FAM228B: variants seen among roughly 807,000 people sequenced by gnomAD.
FAM228B encodes the protein family with sequence similarity 228 member B.
In FAM228B, 38 loss-of-function variants were observed where a neutral mutation model predicts 42.6. The ratio of observed to expected loss-of-function variants is 0.89; its 90% CI spans 0.69 to 1.17. The LOEUF is 1.17. Ranked by LOEUF, FAM228B falls within the 50% of genes most tolerant of loss-of-function variation. The pLI is 0.00. For missense variants in FAM228B, 344 were observed against 367.3 expected (o/e 0.94, Z 0.52); for synonymous variants, 109 against 122.3 (o/e 0.89, Z 0.72).
intron 8 of FAM228B, among the ~76,000 whole-genome samples, chr2:24,162,564 G>A (rs920163651): frequency 2.0e-5 from 3 of 152,080 alleles, no homozygotes; most frequent in South Asian, 2.1e-4. Context: ...CAGAAATTCC[G>A]CTCCTAGGTT....
chr2:24,101,152 T>C (rs774307379), intron 3 of FAM228B, among the ~76,000 whole-genome samples: 10 of 152,118 alleles, frequency 6.6e-5, no homozygotes, highest in Non-Finnish European at 1.5e-4. Context: ...TTACAAGAAA[T>C]ACCTAATGTA....
chr2:24,119,560 C>A, upstream of FAM228B: 1 of 1,596,830 alleles, frequency 6.3e-7, no homozygotes, highest in South Asian at 1.1e-5. Context: ...AAGACAGGAA[C>A]TAGGAGGCCA....
chr2:24,088,083 G>C (rs1387440030), intron 2 of FAM228B, among the ~76,000 whole-genome samples: 3 of 152,004 alleles, frequency 2.0e-5, no homozygotes, highest in Non-Finnish European at 4.4e-5. Context: ...TCTCCATGTT[G>C]GCCAGGCTGG....
chr2:24,153,780 T>C lies in FAM228B; in HGVS notation c.686+6694T>C, dbSNP rs201864340. On this transcript the variant is annotated intron_variant, in intron 7 of 10. Transcript: ENST00000615575. ...CCAACATGAGGAATTGCCTAGGAAT[T>C]ACAGTCCTTGTTCCTAGACTGCCTT... Among the ~76,000 whole-genome samples the C allele has an allele frequency of 3.9e-5, 6 of 152,296 alleles. No individual in the cohort carries two copies. The East Asian group carries it at 1.2e-3, about 29-fold the overall frequency.
chr2:24,087,723 G>T lies in FAM228B; in HGVS notation c.-210+6768G>T, dbSNP rs560741342. Among the ~76,000 whole-genome samples the T allele has an allele frequency of 3.5e-3, 536 of 151,536 alleles. 4 individuals carry two copies. The highest frequency in any genetic ancestry group is 6.5e-3 in the Non-Finnish European group (442 of 67,962). On this transcript the variant is annotated intron_variant, in intron 2 of 10. Coordinates refer to the FAM228B transcript ENST00000613899. ...CCTCCTAGGTTCAAGCGATTCTCCTGCCTCAGCCTCCCGAGTAGCTGGGAC... is the reference window on the plus strand; with the variant it reads ...CCTCCTAGGTTCAAGCGATTCTCCTTCCTCAGCCTCCCGAGTAGCTGGGAC...
At chr2:24,144,873 G>A (rs918398050) in intron 5 of FAM228B, among the ~76,000 whole-genome samples, 1 of 152,112 alleles carries the variant, frequency 6.6e-6, no homozygotes, top group Admixed American at 6.5e-5. Flanking sequence ...TCTGCAGGGG[G>A]CTAGGGGATT....
intron 3 of FAM228B, among the ~76,000 whole-genome samples, chr2:24,113,963 T>TCAAAAA (rs1195731574): frequency 6.6e-6 from 1 of 150,814 alleles, no homozygotes; most frequent in African/African-American, 2.4e-5. Context: ...AGGCTACCAA[T>TCAAAAA]CAAAAACTAA....
chr2:24,096,244 C>T (rs1665495277), intron 3 of FAM228B: 1 of 152,192 alleles, frequency 6.6e-6, no homozygotes, highest in Non-Finnish European at 1.5e-5. Flanking sequence ...GATCGCAACT[C>T]CTCGCCAGCA....
intron 3 of FAM228B, chr2:24,096,748 G>A (rs1665505366): frequency 1.3e-5 from 2 of 152,156 alleles, no homozygotes; most frequent in East Asian, 1.9e-4. Flanking sequence ...AACCTAGCAA[G>A]GCAGGCCAAC....
Position 24,083,237 on chromosome 2 carries a change from C to G in FAM228B, c.-210+2282C>G, listed in dbSNP as rs948903624. On this transcript the variant is annotated intron_variant, in intron 2 of 10. Coordinates refer to the FAM228B transcript ENST00000613899. ...CCTGGCCCCCCTTCCAAGATCCCCTCTTTTTTTTTTCAAAAATAAATTTCA... is the reference window on the plus strand; with the variant it reads ...CCTGGCCCCCCTTCCAAGATCCCCTGTTTTTTTTTTCAAAAATAAATTTCA... 6.8e-6 allele frequency: 9 copies of G among 1,316,784 alleles called. No individual in the cohort carries two copies. The African/African-American group carries it at 7.6e-5, about 11-fold the overall frequency. The allele number at this position is 1,316,784 out of a possible 1,614,324, so 81.6% of individuals were successfully genotyped here. A position where few individuals can be genotyped will look rare whatever the true frequency, so the allele number is the denominator to read the frequency against.
intron 3 of FAM228B, among the ~76,000 whole-genome samples, chr2:24,136,053 CTTTTTTTTTTT>C (rs5829917): frequency 2.8e-5 from 1 of 35,812 alleles, no homozygotes; most frequent in African/African-American, 1.3e-4. Flanking sequence ...GATAACCCTT[CTTTTTTTTTTT>C]TTTTTTTTTT....
Position 24,135,128 on chromosome 2 carries a change from A to G in FAM228B, c.109A>G (p.Lys37Glu). The change falls in exon 3 of 11, where the codon AAA becomes GAA. Residue 37 changes from lysine (K) to glutamate (E), a missense_variant. Transcript: ENST00000615575. ...KPLCFMEVLA[K>E]EDTEAAIQSI... Reference sequence around the variant, plus strand: ...AATTCTGTCCTTTCAGGTTTTAGCTAAAGAAGATACTGAGGCAGCTATTCA... The same window carrying G: ...AATTCTGTCCTTTCAGGTTTTAGCTGAAGAAGATACTGAGGCAGCTATTCA... The G allele has an allele frequency of 3.3e-6, 5 of 1,504,786 alleles. No homozygotes were observed. The highest frequency in any genetic ancestry group is 2.1e-5 in the Admixed American group (1 of 47,878). The allele number at this position is 1,504,786 out of a possible 1,614,324, so 93.2% of individuals were successfully genotyped here.
In FAM228B at chr2:24,113,138, T is replaced by C. The variant is rs573491123; in HGVS notation, c.-121+17909T>C. The stretch of plus-strand genomic sequence containing the variant: ...AGATGTATTATTTACTGTTGTATCA[T>C]TACTACCTAGCACAAAGCCGACTAT... On this transcript the variant is annotated intron_variant, in intron 3 of 10. Transcript: ENST00000613899. 3.3e-5 allele frequency among the ~76,000 whole-genome samples: 5 copies of C among 152,288 alleles called. No individual in the cohort carries two copies. In the South Asian group the frequency reaches 1.0e-3, roughly 32 times the overall value.
chr2:24,125,440 C>G (rs988568541), intron 2 of FAM228B, among the ~76,000 whole-genome samples: 2 of 152,188 alleles, frequency 1.3e-5, no homozygotes, highest in East Asian at 3.8e-4. Context: ...AACATCACCA[C>G]AATCAAGATG....
chr2:24,158,874 A>G (rs1171692107), intron 7 of FAM228B, among the ~76,000 whole-genome samples: 1 of 152,212 alleles, frequency 6.6e-6, no homozygotes, highest in Non-Finnish European at 1.5e-5. Flanking sequence ...GCAGCTTGAA[A>G]TGACAGGAAT....
At chr2:24,116,880 A>C (rs915329207) in intron 3 of FAM228B, among the ~76,000 whole-genome samples, 62 of 148,234 alleles carry the variant, frequency 4.2e-4, no homozygotes, top group African/African-American at 1.5e-3. Flanking sequence ...GTGTCTCAAA[A>C]AAAAAAAAGA....
Position 24,127,231 on chromosome 2 carries a change from G to A in FAM228B, c.99+2771G>A, listed in dbSNP as rs559381628. On this transcript the variant is annotated intron_variant, in intron 2 of 10. Transcript: ENST00000615575. ...GGTCCTTAGTGACTGCTTTCACTTA[G>A]TATAATGTTTTCAAGGTTTGTCCGT... 3.3e-5 allele frequency among the ~76,000 whole-genome samples: 5 copies of A among 152,252 alleles called. No individual in the cohort carries two copies. The East Asian group carries it at 9.6e-4, about 29-fold the overall frequency.
At chr2:24,138,863 T>C (rs1468720649) in intron 4 of FAM228B, among the ~76,000 whole-genome samples, 1 of 151,396 alleles carries the variant, frequency 6.6e-6, no homozygotes, top group Non-Finnish European at 1.5e-5. Context: ...GGAGAATCAC[T>C]TGAACCTGTG....
chr2:24,150,157 TTCTGTGCTTTTC>T (rs1558391286), intron 7 of FAM228B, among the ~76,000 whole-genome samples: 1 of 152,204 alleles, frequency 6.6e-6, no homozygotes. Flanking sequence ...TGTTATATTA[TTCTGTGCTTTTC>T]TCTGTGCTTA....
Sources: allele counts gnomAD v4.1 joint callset (sites outside exome capture counted in the v4.1 genomes callset), GRCh38; gene constraint gnomAD v4.1.1; transcripts MANE v1.5; gene names NCBI Gene and HGNC (gene_info 2026-07-23, HGNC 2026-07-21).